Variants in RABGEF1 observed in about 807,000 individuals in gnomAD.
RABGEF1 encodes the protein RAB guanine nucleotide exchange factor 1, also known as rab5 GDP/GTP exchange factor.
RABGEF1 carries 26 observed loss-of-function variants against 57.3 expected under a neutral mutation model. The ratio of observed to expected loss-of-function variants is 0.45; its 90% CI spans 0.33 to 0.63. The LOEUF (loss-of-function observed/expected upper bound fraction) is 0.63. Among genes scored for constraint, RABGEF1 ranks in the 20% least tolerant of loss-of-function variants. The pLI is 0.02. For missense variants in RABGEF1, 464 were observed against 607.6 expected, an observed-to-expected ratio of 0.76 and a Z score of 2.48; for synonymous variants, 185 against 210.7, an observed-to-expected ratio of 0.88 and a Z score of 1.06.
intron 1 of RABGEF1, chr7:66,755,897 C>G (rs1044845655): frequency 5.6e-6 from 3 of 531,734 alleles, no homozygotes; most frequent in Non-Finnish European, 9.7e-6. Context: ...AATTATTTGT[C>G]CAAGCTAACG....
At chr7:66,705,167 GAGGC>G (rs1286093729) in intron 1 of RABGEF1, among the ~76,000 whole-genome samples, 4 of 152,126 alleles carry the variant, frequency 2.6e-5, no homozygotes, top group Non-Finnish European at 5.9e-5. Context: ...TTGGGAGGCC[GAGGC>G]AGGCATATCA....
chr7:66,773,197 CAA>C (rs1385419450), intron 2 of RABGEF1, among the ~76,000 whole-genome samples: 1 of 151,266 alleles, frequency 6.6e-6, no homozygotes, highest in East Asian at 2.0e-4. Flanking sequence ...TGTGTTCAAT[CAA>C]AGAGAGAAAA....
intron 2 of RABGEF1, among the ~76,000 whole-genome samples, chr7:66,735,542 AT>A (rs1314034873): frequency 6.6e-6 from 1 of 152,158 alleles, no homozygotes; most frequent in Non-Finnish European, 1.5e-5. Flanking sequence ...CTCATGTCAA[AT>A]TGTAATCCCT....
the RABGEF1 span, among the ~76,000 whole-genome samples, chr7:66,655,960 G>A: frequency 0.76 from 116,193 of 152,110 alleles, 44,553 homozygotes; most frequent in African/African-American, 0.82. Flanking sequence ...GCACCGAGGA[G>A]GGAGTCGGGC....
At chr7:66,732,697 C>G (rs1476643405) in intron 2 of RABGEF1, among the ~76,000 whole-genome samples, 2 of 149,176 alleles carry the variant, frequency 1.3e-5, no homozygotes, top group Non-Finnish European at 3.0e-5. Context: ...CGCTCTTGTG[C>G]TCTCTCTCTC....
At chr7:66,808,679 G>A (rs1006675496) in intron 8 of RABGEF1, among the ~76,000 whole-genome samples, 1 of 152,132 alleles carries the variant, frequency 6.6e-6, no homozygotes, top group Admixed American at 6.5e-5. Flanking sequence ...CCCAGACATC[G>A]GCCCTGGAGC....
chr7:66,799,988 T>C (rs908482015), intron 7 of RABGEF1, among the ~76,000 whole-genome samples: 3 of 152,116 alleles, frequency 2.0e-5, no homozygotes, highest in Non-Finnish European at 2.9e-5. Context: ...TTCTCATTCA[T>C]GGGAATGAAC....
intron 1 of RABGEF1, among the ~76,000 whole-genome samples, chr7:66,744,667 CAAA>C (rs774941950): frequency 7.0e-5 from 5 of 71,032 alleles, no homozygotes; most frequent in Admixed American, 1.5e-4. Context: ...GACTCCGTCT[CAAA>C]AAAAAAAAAA....
intron 7 of RABGEF1, among the ~76,000 whole-genome samples, chr7:66,802,430 G>A (rs868272900): frequency 7.2e-5 from 11 of 152,314 alleles, no homozygotes; most frequent in Middle Eastern, 3.4e-3. Context: ...GAGATGGAGC[G>A]TATACTTAGC....
intron 4 of RABGEF1, among the ~76,000 whole-genome samples, chr7:66,793,006 A>G (rs201389633): frequency 2.0e-4 from 31 of 152,300 alleles, no homozygotes; most frequent in African/African-American, 6.5e-4. Flanking sequence ...ACTGCAGTAG[A>G]AATAGAAAAG....
At chr7:66,659,070 G>A in the RABGEF1 span, among the ~76,000 whole-genome samples, 1 of 152,172 alleles carries the variant, frequency 6.6e-6, no homozygotes, top group Admixed American at 6.6e-5. Flanking sequence ...TATGAGGACA[G>A]CATTGCCTTG....
the RABGEF1 span, among the ~76,000 whole-genome samples, chr7:66,672,199 G>A: frequency 6.6e-6 from 1 of 151,024 alleles, no homozygotes; most frequent in Non-Finnish European, 1.5e-5. Context: ...GAGGCAGGCG[G>A]ATCACAAGGT....
intron 1 of RABGEF1, among the ~76,000 whole-genome samples, chr7:66,687,417 C>T (rs941364208): frequency 6.0e-5 from 9 of 150,622 alleles, no homozygotes; most frequent in African/African-American, 1.7e-4. Flanking sequence ...TGAGCCACCG[C>T]GCCCAGCCCT....
At chr7:66,802,949 GA>G (rs904666685) in intron 7 of RABGEF1, among the ~76,000 whole-genome samples, 185 of 150,268 alleles carry the variant, frequency 1.2e-3, no homozygotes, top group African/African-American at 3.4e-3. Flanking sequence ...ATAAAAGAGA[GA>G]AAAAAAAATC....
intron 2 of RABGEF1, among the ~76,000 whole-genome samples, chr7:66,732,700 T>C (rs964856788): frequency 2.7e-5 from 4 of 149,818 alleles, no homozygotes; most frequent in African/African-American, 7.6e-5. Flanking sequence ...TCTTGTGCTC[T>C]CTCTCTCTCG....
intron 1 of RABGEF1, among the ~76,000 whole-genome samples, chr7:66,705,864 C>T (rs1204554956): frequency 6.8e-6 from 1 of 147,038 alleles, no homozygotes; most frequent in African/African-American, 2.5e-5. Context: ...CACACACCAC[C>T]ACACCCAGCT....
intron 1 of RABGEF1, among the ~76,000 whole-genome samples, chr7:66,696,877 A>C (rs1357966768): frequency 1.3e-5 from 2 of 152,166 alleles, no homozygotes; most frequent in African/African-American, 4.8e-5. Context: ...TGACAGGAGC[A>C]GGCCCAGACA....
chr7:66,750,611 T>G (rs1801192033), intron 1 of RABGEF1, among the ~76,000 whole-genome samples: 1 of 152,248 alleles, frequency 6.6e-6, no homozygotes, highest in South Asian at 2.1e-4. Context: ...TCTAGTGCTA[T>G]AAATATATTG....
At chr7:66,685,993 T>C (rs972392955) in intron 1 of RABGEF1, among the ~76,000 whole-genome samples, 2 of 151,926 alleles carry the variant, frequency 1.3e-5, no homozygotes, top group Admixed American at 1.3e-4. Context: ...GTTACCGCAT[T>C]ATAGGCCAGG....
Sources: allele counts gnomAD v4.1 joint callset (sites outside exome capture counted in the v4.1 genomes callset), GRCh38; gene constraint gnomAD v4.1.1; transcripts MANE v1.5; gene names NCBI Gene and HGNC (gene_info 2026-07-23, HGNC 2026-07-21).